Variants in GAREM1 observed in about 807,000 individuals in gnomAD.
GAREM1 encodes the protein GRB2-associated and regulator of MAPK protein 1.
Under a neutral mutation model 71.3 loss-of-function variants are expected in GAREM1, and 26 were observed. The ratio of observed to expected loss-of-function variants is 0.36; its 90% CI spans 0.27 to 0.51. GAREM1 has a LOEUF of 0.51. Among genes scored for constraint, GAREM1 ranks in the 20% least tolerant of loss-of-function variants. The pLI is 0.95. For missense variants in GAREM1, 1,026 were observed against 1,103.1 expected (o/e 0.93, Z 0.99); for synonymous variants, 440 against 433.2 (o/e 1.02, Z -0.20).
chr18:32,451,960 G>A (rs1387101789), intron 1 of GAREM1, among the ~76,000 whole-genome samples: 3 of 152,292 alleles, frequency 2.0e-5, no homozygotes, highest in African/African-American at 4.8e-5. Context: ...ACTGAAATCG[G>A]TGACAAAAGG....
Position 32,288,057 on chromosome 18 carries a change from C to T in GAREM1, c.540G>A (p.Lys180=). ...TGCTGATGGAATTGAGCTTCCCAAT[C>T]TTTTTGAAGATTGTGTTGAGTCGTG... ...EKSRLNTIFK[K]IGKLNSISKL... Residue 180 remains lysine, a synonymous_variant, in exon 4 of 6, where the codon AAG becomes AAA. Coordinates refer to ENST00000269209, the MANE Select transcript of GAREM1 (RefSeq NM_001242409.2). 1 of 1,614,090 alleles carries T rather than the reference C, an allele frequency of 6.2e-7. No individual in the cohort carries two copies. The highest frequency in any genetic ancestry group is 1.1e-5 in the South Asian group (1 of 91,064).
chr18:32,408,141 G>A (rs551511993), intron 1 of GAREM1, among the ~76,000 whole-genome samples: 2 of 151,916 alleles, frequency 1.3e-5, no homozygotes, highest in Non-Finnish European at 2.9e-5. Context: ...TCAATATTAT[G>A]CTTCTAATAT....
intron 3 of GAREM1, among the ~76,000 whole-genome samples, chr18:32,306,465 C>CG (rs917272548): frequency 2.1e-5 from 3 of 140,428 alleles, no homozygotes; most frequent in African/African-American, 8.5e-5. Context: ...TAGCAGCAAC[C>CG]CCCCCCACCC....
chr18:32,348,345 C>G (rs929970708), intron 2 of GAREM1, among the ~76,000 whole-genome samples: 1 of 152,176 alleles, frequency 6.6e-6, no homozygotes, highest in African/African-American at 2.4e-5. Context: ...TAAAAGAAAA[C>G]TGTAGCTCAC....
chr18:32,308,841 T>C lies in GAREM1; in HGVS notation c.393+1352A>G, dbSNP rs1405864064. Among the ~76,000 whole-genome samples, 2 of 150,344 alleles carry C rather than the reference T, an allele frequency of 1.3e-5. 1 individual carries two copies. The highest frequency in any genetic ancestry group is 4.9e-5 in the African/African-American group (2 of 40,532). ...ACTAAAGAGCGTAGACCAAAGCAGC[T>C]GTATTTTGGAACTGGAAGAAGAAAT... On this transcript the variant is annotated intron_variant, in intron 3 of 5. Coordinates refer to ENST00000269209, the MANE Select transcript of GAREM1 (RefSeq NM_001242409.2).
At chr18:32,367,688 C>G (rs1253141570) in intron 2 of GAREM1, among the ~76,000 whole-genome samples, 8 of 152,082 alleles carry the variant, frequency 5.3e-5, no homozygotes, top group African/African-American at 1.4e-4. Flanking sequence ...TTTAGGGATA[C>G]AAGGATGGCA....
At chr18:32,469,099 T>C (rs2049025957) in intron 1 of GAREM1, among the ~76,000 whole-genome samples, 1 of 152,022 alleles carries the variant, frequency 6.6e-6, no homozygotes, top group Non-Finnish European at 1.5e-5. Context: ...CAAGCCAAGA[T>C]TGTTTTCCAG....
chr18:32,392,065 T>C (rs1223434205), intron 2 of GAREM1, among the ~76,000 whole-genome samples: 3 of 152,150 alleles, frequency 2.0e-5, no homozygotes, highest in South Asian at 2.1e-4. Context: ...ACAATGGCAG[T>C]CTAGGGCTAC....
intron 1 of GAREM1, among the ~76,000 whole-genome samples, chr18:32,459,550 CCTCCTAAAGTGCATG>C (rs529020349): frequency 1.2e-3 from 181 of 152,222 alleles, no homozygotes; most frequent in Non-Finnish European, 2.2e-3. Context: ...GTAATCTGAA[CCTCCTAAAGTGCATG>C]CTCTCTCTCA....
At chr18:32,439,895 A>C (rs1347707088) in intron 1 of GAREM1, among the ~76,000 whole-genome samples, 2 of 151,874 alleles carry the variant, frequency 1.3e-5, no homozygotes, top group Non-Finnish European at 2.9e-5. Flanking sequence ...TAGTGAATGA[A>C]GGTGAATGAA....
chr18:32,429,961 T>C (rs554691820), intron 1 of GAREM1, among the ~76,000 whole-genome samples: 2 of 152,346 alleles, frequency 1.3e-5, no homozygotes, highest in South Asian at 4.1e-4. Flanking sequence ...CTAGAAATCA[T>C]GGCTTGTCAT....
rs1420184124 is a variant in GAREM1, at chr18:32,281,392, C to T, written c.1566+5639G>A. 3.3e-5 allele frequency among the ~76,000 whole-genome samples: 5 copies of T among 152,092 alleles called. No individual in the cohort carries two copies. The South Asian group carries it at 1.0e-3, about 32-fold the overall frequency. On this transcript the variant is annotated intron_variant, in intron 4 of 5. Transcript: ENST00000269209. ...CTTTAAGTCCCATTTTTCTCAAACACCAACAACACAGTGTGCTTCATTAAA... is the reference window on the plus strand; with the variant it reads ...CTTTAAGTCCCATTTTTCTCAAACATCAACAACACAGTGTGCTTCATTAAA...
At chr18:32,426,407 C>A (rs2048576058) in intron 1 of GAREM1, among the ~76,000 whole-genome samples, 1 of 152,162 alleles carries the variant, frequency 6.6e-6, no homozygotes, top group South Asian at 2.1e-4. Flanking sequence ...TTTTCCTGTT[C>A]TTAAAAATTA....
At position 32,268,044 on chromosome 18, in the gene GAREM1, G is replaced by A; in HGVS notation, c.2458C>T (p.Leu820=). 1 of 1,614,144 alleles carries A rather than the reference G, an allele frequency of 6.2e-7. No individual in the cohort carries two copies. The highest frequency in any genetic ancestry group is 8.5e-7 in the Non-Finnish European group (1 of 1,180,000). Residue 820 remains leucine (L), a synonymous_variant, in exon 6 of 6, where the codon CTA becomes TTA. Coordinates refer to ENST00000269209, the MANE Select transcript of GAREM1 (RefSeq NM_001242409.2). ...TCTTCGGACAAACCAATGAACCGTA[G>A]TGACTTGGACACTTCCTCTATAGAG... The part of the protein sequence containing the change: ...GLSIEEVSKS[L]RFIGLSEDVI...
At chr18:32,422,858 A>C (rs1296220785) in intron 1 of GAREM1, among the ~76,000 whole-genome samples, 1 of 152,202 alleles carries the variant, frequency 6.6e-6, no homozygotes, top group Non-Finnish European at 1.5e-5. Context: ...GAGAAACTAA[A>C]GGTCAAGTGC....
At chr18:32,317,156 GCA>G (rs1412361085) in intron 2 of GAREM1, among the ~76,000 whole-genome samples, 2 of 152,170 alleles carry the variant, frequency 1.3e-5, no homozygotes, top group African/African-American at 4.8e-5. Flanking sequence ...TGTAATCCCA[GCA>G]CTTTGGCAGG....
chr18:32,323,211 A>G (rs1290365311), intron 2 of GAREM1, among the ~76,000 whole-genome samples: 1 of 152,218 alleles, frequency 6.6e-6, no homozygotes, highest in Non-Finnish European at 1.5e-5. Flanking sequence ...GCATTTCTTA[A>G]AGAGAGTCGG....
chr18:32,314,709 C>A (rs1031775377), intron 2 of GAREM1, among the ~76,000 whole-genome samples: 1 of 151,986 alleles, frequency 6.6e-6, no homozygotes, highest in African/African-American at 2.4e-5. Flanking sequence ...CTGCCTCAGC[C>A]TCCTGAGTAG....
chr18:32,290,710 A>G (rs2047073770), intron 3 of GAREM1, among the ~76,000 whole-genome samples: 2 of 152,118 alleles, frequency 1.3e-5, no homozygotes, highest in Admixed American at 1.3e-4. Context: ...AAGATGTACA[A>G]TGGCTTTCAA....
Sources: allele counts gnomAD v4.1 joint callset (sites outside exome capture counted in the v4.1 genomes callset), GRCh38; gene constraint gnomAD v4.1.1; transcripts MANE v1.5; gene names NCBI Gene and HGNC (gene_info 2026-07-23, HGNC 2026-07-21).